The following CSMD3 variants were observed in gnomAD, a reference collection of about 807,000 sequenced individuals.
CSMD3 encodes CUB and Sushi multiple domains 3, also known as CUB and sushi domain-containing protein 3.
CSMD3 carries 177 observed loss-of-function variants against 435.2 expected under a neutral mutation model. The ratio of observed to expected loss-of-function variants is 0.41; its 90% CI spans 0.36 to 0.46. The LOEUF is 0.46. Ranked by LOEUF, CSMD3 falls within the 20% of genes least tolerant of loss-of-function variation. The pLI, the probability that CSMD3 is intolerant of heterozygous loss-of-function variation, is 0.34. For synonymous variants in CSMD3, 1,656 were observed against 1,520.5 expected (o/e 1.09, Z -2.07); for missense variants, 4,265 against 4,504.6 (o/e 0.95, Z 1.52).
At chr8:113,170,757 C>A (rs2092253488) in intron 4 of CSMD3, among the ~76,000 whole-genome samples, 1 of 152,000 alleles carries the variant, frequency 6.6e-6, no homozygotes. Flanking sequence ...AGAAGGAAGG[C>A]CCTTAATAAA....
At chr8:113,023,443 T>C (rs2086758501) in intron 5 of CSMD3, among the ~76,000 whole-genome samples, 1 of 152,028 alleles carries the variant, frequency 6.6e-6, no homozygotes, top group African/African-American at 2.4e-5. Flanking sequence ...GCTTTCTCAC[T>C]CTCTTGCTTT....
intron 1 of CSMD3, among the ~76,000 whole-genome samples, chr8:113,397,383 A>G (rs1252447472): frequency 2.6e-5 from 4 of 151,996 alleles, no homozygotes; most frequent in South Asian, 2.1e-4. Context: ...TTTTGTCTTA[A>G]TCTTATTAAT....
intron 4 of CSMD3, among the ~76,000 whole-genome samples, chr8:113,117,891 T>A (rs1426601391): frequency 6.6e-6 from 1 of 152,218 alleles, no homozygotes; most frequent in African/African-American, 2.4e-5. Context: ...GCAGGCGTAT[T>A]TGCCCAATGC....
intron 32 of CSMD3, among the ~76,000 whole-genome samples, chr8:112,467,417 GT>G (rs1171554967): frequency 6.6e-6 from 1 of 152,160 alleles, no homozygotes; most frequent in African/African-American, 2.4e-5. Flanking sequence ...TCCTCAGGAT[GT>G]TTTACATGTT....
chr8:112,252,434 A>C (rs1815351241), intron 63 of CSMD3, among the ~76,000 whole-genome samples: 1 of 151,920 alleles, frequency 6.6e-6, no homozygotes, highest in African/African-American at 2.4e-5. Context: ...GATGAGTCTC[A>C]CATGGATTCT....
chr8:112,817,898 T>A (rs536740985), intron 12 of CSMD3, among the ~76,000 whole-genome samples: 1 of 152,270 alleles, frequency 6.6e-6, no homozygotes, highest in African/African-American at 2.4e-5. Context: ...TTGTAATGAA[T>A]ATTTCCTTGG....
At chr8:112,960,884 T>C (rs1006458511) in intron 7 of CSMD3, among the ~76,000 whole-genome samples, 12 of 151,744 alleles carry the variant, frequency 7.9e-5, no homozygotes, top group African/African-American at 2.9e-4. Flanking sequence ...TAAAAAATCA[T>C]TAGAGACAAG....
chr8:112,404,447 T>C (rs140664632), intron 35 of CSMD3, among the ~76,000 whole-genome samples: 3,094 of 151,882 alleles, frequency 0.02, 101 homozygotes, highest in African/African-American at 0.07. Flanking sequence ...GGAGAATCAC[T>C]TGAACCTGGG....
chr8:112,662,395 C>T (rs1280959540), intron 17 of CSMD3, among the ~76,000 whole-genome samples: 3 of 152,006 alleles, frequency 2.0e-5, no homozygotes, highest in Admixed American at 2.0e-4. Flanking sequence ...TGATCTTTGA[C>T]AAACCTGACA....
At chr8:112,855,315 A>C (rs2129789226) in intron 11 of CSMD3, among the ~76,000 whole-genome samples, 1 of 152,272 alleles carries the variant, frequency 6.6e-6, no homozygotes, top group East Asian at 1.9e-4. Context: ...TAAAACTCTT[A>C]GTGTGAATAG....
chr8:112,998,749 C>A (rs2085748476), intron 6 of CSMD3, among the ~76,000 whole-genome samples: 1 of 151,842 alleles, frequency 6.6e-6, no homozygotes, highest in Non-Finnish European at 1.5e-5. Context: ...CCTGGTGGGA[C>A]GTGATGGAAT....
chr8:112,362,619 A>C (rs1490290257), intron 38 of CSMD3, among the ~76,000 whole-genome samples: 2 of 152,032 alleles, frequency 1.3e-5, no homozygotes, highest in African/African-American at 4.8e-5. Context: ...TGCAGAGATC[A>C]ATCAGCAACA....
At chr8:112,732,699 C>CAAAAAAA (rs34891739) in intron 13 of CSMD3, among the ~76,000 whole-genome samples, 11 of 97,054 alleles carry the variant, frequency 1.1e-4, no homozygotes, top group East Asian at 5.7e-4. Flanking sequence ...GACTCCATCT[C>CAAAAAAA]AAAAAAAAAA....
intron 22 of CSMD3, among the ~76,000 whole-genome samples, chr8:112,615,996 C>A (rs535368239): frequency 6.6e-6 from 1 of 152,234 alleles, no homozygotes; most frequent in Admixed American, 6.6e-5. Flanking sequence ...CTTCTTTGTG[C>A]CACCATCGAA....
intron 16 of CSMD3, among the ~76,000 whole-genome samples, chr8:112,674,522 C>T (rs749948903): frequency 1.3e-3 from 198 of 152,198 alleles, no homozygotes; most frequent in Non-Finnish European, 1.6e-3. Context: ...TGCTCCCATC[C>T]CTGACGGCAC....
chr8:112,999,037 C>A (rs1251473752), intron 6 of CSMD3, among the ~76,000 whole-genome samples: 1 of 151,914 alleles, frequency 6.6e-6, no homozygotes, highest in Admixed American at 6.6e-5. Context: ...CAAACTAGTA[C>A]ACCATTCTAT....
chr8:112,542,495 T>C (rs573722188), intron 27 of CSMD3, among the ~76,000 whole-genome samples: 58 of 151,982 alleles, frequency 3.8e-4, no homozygotes, highest in Non-Finnish European at 7.8e-4. Context: ...CAAAAATCAA[T>C]TGTGTTTCTA....
intron 22 of CSMD3, among the ~76,000 whole-genome samples, chr8:112,631,819 T>C (rs774935313): frequency 1.3e-5 from 2 of 151,928 alleles, no homozygotes; most frequent in Non-Finnish European, 2.9e-5. Context: ...TTGGGTTAAA[T>C]AGAACTCATA....
chr8:112,959,484 A>T (rs1018385802), intron 7 of CSMD3, among the ~76,000 whole-genome samples: 43 of 152,048 alleles, frequency 2.8e-4, no homozygotes, highest in African/African-American at 1.0e-3. Flanking sequence ...AAAGGAAAAT[A>T]AGTTCTTATG....
Sources: gnomAD v4.1 joint callset for allele counts (sites outside exome capture counted in the v4.1 genomes callset) on GRCh38, gnomAD v4.1.1 for gene constraint, MANE v1.5 for transcripts, NCBI Gene and HGNC (gene_info 2026-07-23, HGNC 2026-07-21) for gene names.